The following MARK2 variants were observed in gnomAD, a reference collection of about 807,000 sequenced individuals.
The protein encoded by MARK2 is microtubule affinity regulating kinase 2, also known as serine/threonine-protein kinase MARK2.
Under a neutral mutation model 89.8 loss-of-function variants are expected in MARK2, and 16 were observed. The observed-to-expected ratio is 0.18, with a 90% CI of 0.12 to 0.27. The LOEUF (loss-of-function observed/expected upper bound fraction) is 0.27, where lower values mean the gene tolerates loss of function less well. Among genes scored for constraint, MARK2 ranks in the 10% least tolerant of loss-of-function variants. The pLI is 1.00. For missense variants in MARK2, 621 were observed against 1,049.9 expected (o/e 0.59, Z 5.65); for synonymous variants, 382 against 399.5 (o/e 0.96, Z 0.52).
At chr11:63,848,070 T>C (rs528352574) in intron 1 of MARK2, among the ~76,000 whole-genome samples, 1 of 152,316 alleles carries the variant, frequency 6.6e-6, no homozygotes, top group Admixed American at 6.5e-5. Flanking sequence ...AGGTGGGAGC[T>C]TCCGGTCACC....
chr11:63,861,481 T>G (rs1460806246), intron 1 of MARK2, among the ~76,000 whole-genome samples: 2 of 152,156 alleles, frequency 1.3e-5, no homozygotes, highest in East Asian at 3.8e-4. Flanking sequence ...GTTTACTGTA[T>G]TAGTTAAGGC....
chr11:63,905,585 C>T (rs1364266880), intron 16 of MARK2, among the ~76,000 whole-genome samples: 1 of 152,256 alleles, frequency 6.6e-6, no homozygotes, highest in African/African-American at 2.4e-5. Context: ...ACAGTGGCCT[C>T]TTCCCTAACC....
intron 1 of MARK2, chr11:63,888,934 G>A (rs565506080): frequency 1.2e-5 from 16 of 1,351,302 alleles, no homozygotes; most frequent in South Asian, 2.3e-5. Context: ...AATGGAAGTC[G>A]CTGGTAGTCC....
At chr11:63,892,833 G>A (rs966140237) in intron 1 of MARK2, among the ~76,000 whole-genome samples, 8 of 149,408 alleles carry the variant, frequency 5.4e-5, no homozygotes, top group Admixed American at 1.3e-4. Flanking sequence ...GGGTTCAAGC[G>A]ATCCTCCCGC....
rs186607742 is a variant in MARK2 at position 63,846,015 on chromosome 11, G to A, written c.54+6455G>A. The stretch of plus-strand genomic sequence containing the variant: ...TGGGATTACAGGAGTGAGCCACCGC[G>A]CCCGGCATCATTGCTTATCTTTTAG... On this transcript the variant is annotated intron_variant, in intron 1 of 18. Coordinates refer to ENST00000402010, the MANE Select transcript of MARK2 (RefSeq NM_001039469.3). 4.2e-3 allele frequency among the ~76,000 whole-genome samples: 634 copies of A among 151,848 alleles called. 7 individuals carry two copies. Among genetic ancestry groups the A allele is most frequent in the African/African-American group, 0.015 (609 of 41,392 alleles).
chr11:63,899,243 T>C (rs1345241112), intron 7 of MARK2, 135 bp downstream of exon 7: 14 of 658,084 alleles, frequency 2.1e-5, no homozygotes, highest in Non-Finnish European at 3.7e-5. Flanking sequence ...TTTTCTTTCT[T>C]TCTTTCTTTT....
intron 1 of MARK2, chr11:63,890,411 C>A: frequency 4.3e-6 from 2 of 460,570 alleles, no homozygotes; most frequent in Non-Finnish European, 7.7e-6. Context: ...GTGCTTGTTG[C>A]TTCTCTGGCT....
chr11:63,878,949 C>A (rs890301011), intron 1 of MARK2, among the ~76,000 whole-genome samples: 1 of 152,144 alleles, frequency 6.6e-6, no homozygotes, highest in African/African-American at 2.4e-5. Flanking sequence ...CTTTTGGTAA[C>A]TTGGGGATTT....
In MARK2 at chr11:63,839,554, G is replaced by T; in HGVS notation, c.48G>T (p.Thr16=). 6.5e-7 allele frequency: 1 copy of T among 1,534,386 alleles called. No individual in the cohort carries two copies. The highest frequency in any genetic ancestry group is 8.8e-7 in the Non-Finnish European group (1 of 1,139,104). The change falls in exon 1 of 19, where the codon ACG becomes ACT. Residue 16 remains threonine (T), a synonymous_variant. Transcript: ENST00000402010. ...TPLPTLNERD[T]EQPTLGHLDS... is the part of the protein sequence containing the mutation. The stretch of plus-strand genomic sequence containing the variant: ...TACCCACGCTGAACGAGAGGGACAC[G>T]GAGCAGGTAAGGAGCCCCGAGGGCT...
chr11:63,900,761 C>T lies in MARK2; in HGVS notation c.889-19C>T, dbSNP rs1940795425. 6.2e-7 allele frequency: 1 copy of T among 1,614,018 alleles called. No homozygotes were observed. The highest frequency in any genetic ancestry group is 8.5e-7 in the Non-Finnish European group (1 of 1,179,878). On this transcript the variant is annotated intron_variant, in intron 9 of 18. Coordinates refer to ENST00000402010, the MANE Select transcript of MARK2 (RefSeq NM_001039469.3). This position sits in a 1 kb window ranked among gnomAD's most constrained non-coding sequence, Gnocchi z 4.7. ...CTGAGTTTCTTCCCCCTGCCCTTTT[C>T]CTTCTCTGTGCTCCCCAGCAAATCA...
At chr11:63,878,068 G>T (rs1293185263) in intron 1 of MARK2, among the ~76,000 whole-genome samples, 1 of 152,256 alleles carries the variant, frequency 6.6e-6, no homozygotes, top group African/African-American at 2.4e-5. Context: ...AGTAAGGCAG[G>T]TATGAAGCAC....
At chr11:63,905,933 C>T (rs904418100) in intron 16 of MARK2, among the ~76,000 whole-genome samples, 155 bp from the exon 17 acceptor site, 2 of 152,190 alleles carry the variant, frequency 1.3e-5, no homozygotes, top group Non-Finnish European at 2.9e-5. Context: ...GGTCTGAAAG[C>T]CTGGGACTCT....
At chr11:63,886,122 C>CT (rs1290433417) in intron 1 of MARK2, among the ~76,000 whole-genome samples, 2 of 148,782 alleles carry the variant, frequency 1.3e-5, no homozygotes, top group East Asian at 2.0e-4. Context: ...GAGTGAGACT[C>CT]TATCTCAAAA....
Position 63,902,882 on chromosome 11 carries a change from A to G in MARK2, c.1416+100A>G, listed in dbSNP as rs1455237789. ...TCAGACTCTGTTCCCTTTGGCTACT[A>G]CTTCTGCTTATAGCAGGAAGCCTCG... On this transcript the variant is annotated intron_variant, in intron 13 of 18. Coordinates refer to ENST00000402010, the MANE Select transcript of MARK2 (RefSeq NM_001039469.3). This position sits in a 1 kb window ranked among gnomAD's most constrained non-coding sequence, Gnocchi z 4.2. 1 of 1,151,672 alleles carries G rather than the reference A, an allele frequency of 8.7e-7. No individual in the cohort carries two copies. The highest frequency in any genetic ancestry group is 1.5e-5 in the African/African-American group (1 of 65,534). The allele number at this position is 1,151,672 out of a possible 1,614,324, so 71.3% of individuals were successfully genotyped here. A position where few individuals can be genotyped will look rare whatever the true frequency, so the allele number is the denominator to read the frequency against.
At chr11:63,875,576 A>C (rs967298535) in intron 1 of MARK2, among the ~76,000 whole-genome samples, 1 of 152,026 alleles carries the variant, frequency 6.6e-6, no homozygotes, top group Non-Finnish European at 1.5e-5. Flanking sequence ...ATCACCCTAA[A>C]ATTTCTAGTT....
chr11:63,894,619 C>T (rs1264361218), intron 1 of MARK2, among the ~76,000 whole-genome samples: 2 of 152,160 alleles, frequency 1.3e-5, no homozygotes, highest in Non-Finnish European at 2.9e-5. Context: ...TTGCTTGAAC[C>T]CGGGAGGTGG....
At position 63,895,580 on chromosome 11, in the gene MARK2, G is replaced by C; in HGVS notation, c.235G>C (p.Val79Leu). ...TGGGGCCTTTTTGTCTCATCCTCAG[G>C]TAGCTGTGAAGATCATTGACAAGAC... is the stretch of plus-strand genomic sequence containing the variant. ...LARHILTGKE[V>L]AVKIIDKTQL... The change falls in exon 3 of 19, where the codon GTA becomes CTA. Residue 79 changes from valine (V) to leucine (L), a missense_variant and splice_region_variant. This residue lies in a region of MARK2 where 82 missense variants were observed against 287.7 expected (regional missense o/e 0.29). Transcript: ENST00000402010. The C allele has an allele frequency of 6.2e-7, 1 of 1,613,426 alleles. No homozygotes were observed. Among genetic ancestry groups the C allele is most frequent in the African/African-American group, 1.3e-5 (1 of 74,774 alleles).
chr11:63,909,460 T>G lies in MARK2; in HGVS notation c.*223T>G. ...ACCCCTGCCCAGAGATTCCCCCTTC[T>G]CCTCTCCCCTACTGGAGGCAAAGGA... is the stretch of plus-strand genomic sequence containing the variant. On this transcript the variant is annotated 3_prime_UTR_variant, in exon 19 of 19. Coordinates refer to ENST00000402010, the MANE Select transcript of MARK2 (RefSeq NM_001039469.3). 6 of 434,394 alleles carry G rather than the reference T, an allele frequency of 1.4e-5. No homozygotes were observed. The highest frequency in any genetic ancestry group is 3.9e-5 in the East Asian group (1 of 25,390). 26.9% of individuals were successfully genotyped at this position (434,394 alleles called of 1,614,324 possible).
intron 1 of MARK2, among the ~76,000 whole-genome samples, chr11:63,891,723 G>T (rs1004701212): frequency 6.6e-6 from 1 of 152,256 alleles, no homozygotes; most frequent in South Asian, 2.1e-4. Context: ...TCTTCCTCTC[G>T]TAGGAGTTGG....
Sources: allele counts gnomAD v4.1 joint callset (sites outside exome capture counted in the v4.1 genomes callset), GRCh38; gene constraint gnomAD v4.1.1; regional missense constraint gnomAD v4.1.1; non-coding constraint Gnocchi (gnomAD v3.1); transcripts MANE v1.5; gene names NCBI Gene and HGNC (gene_info 2026-07-23, HGNC 2026-07-21).